Variants in ACTMAP observed in about 807,000 individuals in gnomAD.
The protein encoded by ACTMAP is UPF0692 protein C19orf54.
chr19:40,749,689 A>C, the ACTMAP span: 1 of 1,534,304 alleles, frequency 6.5e-7, no homozygotes, highest in Admixed American at 2.2e-5. Context: ...GGTAAAGCTG[A>C]AAAGTCCAGG....
At chr19:40,745,431 CAGTT>C in the ACTMAP span, among the ~76,000 whole-genome samples, 1 of 152,192 alleles carries the variant, frequency 6.6e-6, no homozygotes, top group African/African-American at 2.4e-5. Context: ...CTCGCTCTCT[CAGTT>C]ATTGAAGGGT....
the ACTMAP span, chr19:40,745,264 G>A: frequency 6.7e-7 from 1 of 1,486,906 alleles, no homozygotes; most frequent in Non-Finnish European, 9.2e-7. Context: ...CTGAGGTCTG[G>A]CTGGGAGTGG....
chr19:40,749,963 G>C, the ACTMAP span: 1 of 536,422 alleles, frequency 1.9e-6, no homozygotes, highest in Non-Finnish European at 3.1e-6. Flanking sequence ...GCTAATATTT[G>C]AAACCACGGG....
chr19:40,742,495 C>G, the ACTMAP span: 1 of 1,510,224 alleles, frequency 6.6e-7, no homozygotes, highest in Non-Finnish European at 8.9e-7. Context: ...GCCCGTACCC[C>G]ACCCACGGGC....
At chr19:40,743,881 G>A in the ACTMAP span, 5 of 1,612,180 alleles carry the variant, frequency 3.1e-6, no homozygotes, top group African/African-American at 2.7e-5. Context: ...GTTGAGGGGT[G>A]CAGACAAAGG....
the ACTMAP span, chr19:40,744,184 C>T: frequency 6.3e-7 from 1 of 1,583,388 alleles, no homozygotes; most frequent in Non-Finnish European, 8.6e-7. Flanking sequence ...GGCCAGCCTG[C>T]CCATATCGGC....
At chr19:40,749,518 C>A in the ACTMAP span, 1 of 1,548,630 alleles carries the variant, frequency 6.5e-7, no homozygotes, top group Non-Finnish European at 8.7e-7. Context: ...TTCACATCTT[C>A]TCTGCCCTTG....
the ACTMAP span, among the ~76,000 whole-genome samples, chr19:40,743,653 A>G: frequency 1.3e-5 from 2 of 152,340 alleles, no homozygotes; most frequent in East Asian, 1.9e-4. Flanking sequence ...ATACCTGCCC[A>G]GAGTCACAGA....
the ACTMAP span, chr19:40,744,960 T>C: frequency 1.3e-5 from 11 of 839,726 alleles, no homozygotes; most frequent in Non-Finnish European, 2.1e-5. Context: ...GTCCCAACTA[T>C]GTTTACTATG....
the ACTMAP span, chr19:40,744,114 T>C: frequency 5.5e-5 from 88 of 1,613,448 alleles, no homozygotes; most frequent in Non-Finnish European, 7.2e-5. Flanking sequence ...GGACGAGGTC[T>C]CTGTTGGGAC....
chr19:40,742,771 C>T, the ACTMAP span: 1 of 1,604,188 alleles, frequency 6.2e-7, no homozygotes, highest in South Asian at 1.1e-5. Flanking sequence ...AGCAGGACCC[C>T]TGGGGGAGAG....
the ACTMAP span, among the ~76,000 whole-genome samples, chr19:40,743,102 A>C: frequency 1.3e-5 from 2 of 152,294 alleles, no homozygotes; most frequent in South Asian, 4.2e-4. Flanking sequence ...AAAGCCATGA[A>C]GAAGCTGAGC....
At chr19:40,746,451 C>G in the ACTMAP span, among the ~76,000 whole-genome samples, 1 of 152,016 alleles carries the variant, frequency 6.6e-6, no homozygotes, top group South Asian at 2.1e-4. Context: ...TCTTGGCTCA[C>G]TGCAAGCTCT....
the ACTMAP span, chr19:40,741,031 GAC>G: frequency 1.3e-5 from 5 of 398,696 alleles, no homozygotes; most frequent in African/African-American, 2.1e-5. Context: ...CAATGCAGGG[GAC>G]ACAGTGGTGA....
the ACTMAP span, chr19:40,750,245 C>G: frequency 6.5e-6 from 1 of 153,906 alleles, no homozygotes; most frequent in Admixed American, 6.5e-5. Context: ...TTCAGTACCC[C>G]CTCACATCCC....
chr19:40,744,609 A>G, the ACTMAP span: 14 of 1,613,754 alleles, frequency 8.7e-6, no homozygotes, highest in East Asian at 2.5e-4. Context: ...GGCCACCCGT[A>G]TGAGTCTCTC....
At chr19:40,743,856 GC>G in the ACTMAP span, 1 of 1,597,088 alleles carries the variant, frequency 6.3e-7, no homozygotes, top group African/African-American at 1.3e-5. Flanking sequence ...ATTAATGGAG[GC>G]CGGGGAGACC....
chr19:40,742,837 G>A, the ACTMAP span: 1 of 1,452,676 alleles, frequency 6.9e-7, no homozygotes, highest in Non-Finnish European at 9.3e-7. Context: ...GGCTCACTAA[G>A]TTCCGCCCTC....
the ACTMAP span, chr19:40,742,683 G>T: frequency 6.2e-7 from 1 of 1,613,072 alleles, no homozygotes; most frequent in Non-Finnish European, 8.5e-7. Context: ...TTGGCAGGGC[G>T]TGCCCAGCAC....
Sources: gnomAD v4.1 joint callset for allele counts (sites outside exome capture counted in the v4.1 genomes callset) on GRCh38, gnomAD v4.1.1 for gene constraint, MANE v1.5 for transcripts, NCBI Gene and HGNC (gene_info 2026-07-23, HGNC 2026-07-21) for gene names.